GRM5: variants seen among roughly 807,000 people sequenced by gnomAD.
The protein encoded by GRM5 is glutamate metabotropic receptor 5.
A neutral mutation model predicts 83.1 loss-of-function variants in GRM5; 19 were observed. The ratio of observed to expected loss-of-function variants is 0.23; its 90% CI spans 0.16 to 0.34. GRM5 has a LOEUF of 0.34. GRM5 is among the 10% of genes least tolerant of loss of function. The probability of loss-of-function intolerance (pLI) is 1.00; values close to 1 mark genes in which losing one functional copy is unlikely to be tolerated. For missense variants in GRM5, 1,160 were observed against 1,588.3 expected (o/e 0.73, Z 4.58); for synonymous variants, 675 against 633.6 (o/e 1.07, Z -0.98).
chr11:88,564,729 T>C (rs117265318), intron 8 of GRM5, among the ~76,000 whole-genome samples: 7 of 152,306 alleles, frequency 4.6e-5, no homozygotes, highest in Admixed American at 1.3e-4. Context: ...AAGGTACAGG[T>C]AGGTATTGGA....
chr11:88,743,260 G>C (rs944140699), intron 3 of GRM5, among the ~76,000 whole-genome samples: 1 of 152,068 alleles, frequency 6.6e-6, no homozygotes, highest in Non-Finnish European at 1.5e-5. Context: ...AAAATATCAA[G>C]AGAAAATATC....
chr11:88,521,332 G>A (rs1036098370), intron 9 of GRM5, among the ~76,000 whole-genome samples: 4 of 152,100 alleles, frequency 2.6e-5, no homozygotes, highest in East Asian at 1.9e-4. Context: ...CAGGAGAATC[G>A]CTTGAACCTG....
chr11:88,607,555 A>G (rs151070288), intron 4 of GRM5, among the ~76,000 whole-genome samples: 98 of 152,338 alleles, frequency 6.4e-4, no homozygotes, highest in African/African-American at 2.2e-3. Flanking sequence ...TCCTCTGATC[A>G]AACTTCCCAG....
intron 3 of GRM5, among the ~76,000 whole-genome samples, chr11:88,766,878 A>T (rs1942633752): frequency 6.6e-6 from 1 of 152,038 alleles, no homozygotes; most frequent in Admixed American, 6.6e-5. Context: ...AACCCCATTA[A>T]AAAATGGGCA....
At chr11:89,042,393 C>T (rs11018439) in intron 2 of GRM5, among the ~76,000 whole-genome samples, 34,145 of 152,134 alleles carry the variant, frequency 0.22, 5,163 homozygotes, top group Non-Finnish European at 0.34. Flanking sequence ...CAAGACACAA[C>T]TCTGCAACTA....
intron 3 of GRM5, among the ~76,000 whole-genome samples, chr11:88,834,929 G>A (rs1432531767): frequency 6.6e-6 from 1 of 152,002 alleles, no homozygotes; most frequent in Middle Eastern, 3.2e-3. Flanking sequence ...CTTTTACTTA[G>A]GCTGACTGAG....
At chr11:88,831,881 G>C (rs779633671) in intron 3 of GRM5, among the ~76,000 whole-genome samples, 1 of 152,202 alleles carries the variant, frequency 6.6e-6, no homozygotes, top group Non-Finnish European at 1.5e-5. Context: ...ACCTGAGCAA[G>C]CTGTCTGGAG....
intron 9 of GRM5, among the ~76,000 whole-genome samples, chr11:88,511,335 C>T (rs1463739735): frequency 6.6e-6 from 1 of 152,210 alleles, no homozygotes; most frequent in Non-Finnish European, 1.5e-5. Flanking sequence ...ACTGGCCCTG[C>T]AGGATCCACT....
At chr11:88,552,534 T>A (rs1942531883) in intron 8 of GRM5, among the ~76,000 whole-genome samples, 1 of 152,160 alleles carries the variant, frequency 6.6e-6, no homozygotes, top group Admixed American at 6.6e-5. Context: ...AGTCTTTGAT[T>A]ATTGCTACAC....
In GRM5 at chr11:88,639,831, A is replaced by C. The variant is rs1344154455; in HGVS notation, c.1147+13337T>G. Among the ~76,000 whole-genome samples the C allele has an allele frequency of 3.9e-5, 6 of 152,224 alleles. No individual in the cohort carries two copies. In the South Asian group the frequency reaches 1.2e-3, roughly 32 times the overall value. On this transcript the variant is annotated intron_variant, in intron 4 of 9. Transcript: ENST00000305447. ...GTATCTTTAACATACCTTGGGTTCAAATTCTAGTGCCTTAGGAGTTTGTAG... is the reference window on the plus strand; with the variant it reads ...GTATCTTTAACATACCTTGGGTTCACATTCTAGTGCCTTAGGAGTTTGTAG...
intron 4 of GRM5, among the ~76,000 whole-genome samples, chr11:88,650,651 T>C (rs906005125): frequency 1.3e-5 from 2 of 152,034 alleles, no homozygotes; most frequent in Admixed American, 1.3e-4. Context: ...GGGTAGTGAA[T>C]ATTTGAGTAC....
At chr11:88,787,132 T>C (rs1268374906) in intron 3 of GRM5, among the ~76,000 whole-genome samples, 2 of 694 alleles carry the variant, frequency 2.9e-3, no homozygotes, top group Non-Finnish European at 0.022. Context: ...TATGATATGA[T>C]GTGTGTGTGT....
intron 2 of GRM5, among the ~76,000 whole-genome samples, chr11:88,991,309 T>C (rs538792645): frequency 3.3e-5 from 5 of 152,016 alleles, no homozygotes; most frequent in Admixed American, 2.0e-4. Context: ...TTACAAGGGA[T>C]GTGAAGGACC....
intron 2 of GRM5, among the ~76,000 whole-genome samples, chr11:88,921,479 A>T (rs1012494901): frequency 6.6e-6 from 1 of 152,070 alleles, no homozygotes; most frequent in Non-Finnish European, 1.5e-5. Context: ...CAACAAAAAA[A>T]ATTAGCTGGG....
At position 88,590,636 on chromosome 11, in the gene GRM5, C is replaced by T. The variant is rs752168161; in HGVS notation, c.1655G>A (p.Cys552Tyr). 6.2e-7 allele frequency: 1 copy of T among 1,608,884 alleles called. No individual in the cohort carries two copies. The highest frequency in any genetic ancestry group is 8.5e-7 in the Non-Finnish European group (1 of 1,175,230). Residue 552 changes from cysteine to tyrosine, a missense_variant, in exon 7 of 10, where the codon TGC (cysteine) becomes TAC (tyrosine). Around this residue, in one of 9 missense-constraint regions of GRM5, gnomAD observed 132 missense variants for 245.5 expected, o/e 0.54. Transcript: ENST00000305447. ...YVFDEYTCKA[C>Y]QLGSWPTDDL... ...ATCAGTGGGCCAAGACCCCAGTTGGCATGCCTTGCATGTGTACTCATCAAA... is the reference window on the plus strand; with the variant it reads ...ATCAGTGGGCCAAGACCCCAGTTGGTATGCCTTGCATGTGTACTCATCAAA...
intron 3 of GRM5, among the ~76,000 whole-genome samples, chr11:88,747,149 C>G (rs538508186): frequency 6.6e-6 from 1 of 152,170 alleles, no homozygotes; most frequent in African/African-American, 2.4e-5. Context: ...CAAAGGCTCT[C>G]AACCTGGTTT....
chr11:88,958,576 T>A (rs1481441708), intron 2 of GRM5, among the ~76,000 whole-genome samples: 4 of 152,148 alleles, frequency 2.6e-5, no homozygotes, highest in Admixed American at 6.5e-5. Flanking sequence ...TCATTTAGCA[T>A]AAATTGTTCT....
At chr11:88,966,412 A>T (rs1375398752) in intron 2 of GRM5, among the ~76,000 whole-genome samples, 2 of 152,230 alleles carry the variant, frequency 1.3e-5, no homozygotes, top group Non-Finnish European at 2.9e-5. Flanking sequence ...TTTAAAAAAA[A>T]GCTGTGTTTT....
chr11:88,744,772 C>A (rs1322441836), intron 3 of GRM5, among the ~76,000 whole-genome samples: 2 of 152,144 alleles, frequency 1.3e-5, no homozygotes, highest in Non-Finnish European at 2.9e-5. Flanking sequence ...CCCATAACAA[C>A]TCTATCAGAA....
Sources: allele counts gnomAD v4.1 joint callset (sites outside exome capture counted in the v4.1 genomes callset), GRCh38; gene constraint gnomAD v4.1.1; regional missense constraint gnomAD v4.1.1; transcripts MANE v1.5; gene names NCBI Gene and HGNC (gene_info 2026-07-23, HGNC 2026-07-21).